Variants in ANTXR1 observed in about 807,000 individuals in gnomAD.
ANTXR1 encodes the protein ANTXR cell adhesion molecule 1.
ANTXR1 carries 19 observed loss-of-function variants against 78.1 expected under a neutral mutation model. The observed-to-expected ratio is 0.24, with a 90% CI of 0.17 to 0.36. ANTXR1 has a LOEUF of 0.36. Among genes scored for constraint, ANTXR1 ranks in the 10% least tolerant of loss-of-function variants. The pLI is 1.00. For synonymous variants in ANTXR1, 273 were observed against 260.5 expected (o/e 1.05, Z -0.46); for missense variants, 518 against 718.6 (o/e 0.72, Z 3.19).
intron 8 of ANTXR1, among the ~76,000 whole-genome samples, chr2:69,078,831 T>TCC (rs1036467490): frequency 2.6e-5 from 4 of 152,224 alleles, no homozygotes; most frequent in Admixed American, 6.5e-5. Flanking sequence ...CTTCCTTTGA[T>TCC]CCCCTAAACA....
chr2:69,187,568 CTATT>C (rs1165230465), intron 16 of ANTXR1, among the ~76,000 whole-genome samples: 1 of 145,850 alleles, frequency 6.9e-6, no homozygotes, highest in Non-Finnish European at 1.5e-5. Flanking sequence ...CTGGGTCACA[CTATT>C]TATCATGTAT....
intron 12 of ANTXR1, among the ~76,000 whole-genome samples, chr2:69,135,445 T>C (rs898909092): frequency 6.6e-6 from 1 of 152,078 alleles, no homozygotes; most frequent in Non-Finnish European, 1.5e-5. Flanking sequence ...AAAACTCAGA[T>C]TGACAGATTG....
At chr2:69,189,928 TA>T (rs1322947489) in intron 16 of ANTXR1, among the ~76,000 whole-genome samples, 1 of 152,120 alleles carries the variant, frequency 6.6e-6, no homozygotes, top group Non-Finnish European at 1.5e-5. Context: ...ATTTAATAGG[TA>T]AATAGATACC....
Position 69,070,742 on chromosome 2 carries a change from A to C in ANTXR1, c.378+14A>C, listed in dbSNP as rs1426209964. 6.2e-7 allele frequency: 1 copy of C among 1,610,472 alleles called. No individual in the cohort carries two copies. The highest frequency in any genetic ancestry group is 2.2e-5 in the East Asian group (1 of 44,824). ...GGATTTGAAAGGGTAATTTTAAAAC[A>C]GTTTGAAATCCAAATATAAAGCATG... On this transcript the variant is annotated intron_variant, in intron 4 of 17. Transcript: ENST00000303714.
chr2:69,214,947 C>T (rs187291763), intron 17 of ANTXR1, among the ~76,000 whole-genome samples: 138 of 152,298 alleles, frequency 9.1e-4, no homozygotes, highest in Non-Finnish European at 1.4e-3. Flanking sequence ...TTGTTACTGC[C>T]GAAGTCCCTC....
intron 16 of ANTXR1, among the ~76,000 whole-genome samples, chr2:69,185,416 TG>T (rs1674393443): frequency 6.6e-6 from 1 of 152,096 alleles, no homozygotes; most frequent in African/African-American, 2.4e-5. Context: ...TGTGGGTGCC[TG>T]TAATCCCAGC....
intron 10 of ANTXR1, among the ~76,000 whole-genome samples, chr2:69,109,093 A>G (rs1161053599): frequency 1.3e-5 from 2 of 152,100 alleles, no homozygotes; most frequent in Non-Finnish European, 2.9e-5. Flanking sequence ...TAACATCTCC[A>G]TGCCTCAGTT....
chr2:69,036,481 T>A (rs1238372252), intron 1 of ANTXR1, among the ~76,000 whole-genome samples: 1 of 152,238 alleles, frequency 6.6e-6, no homozygotes, highest in Non-Finnish European at 1.5e-5. Context: ...TCATTCTTTC[T>A]AATTTTTTTT....
chr2:69,160,524 G>T (rs1307545961), intron 13 of ANTXR1, among the ~76,000 whole-genome samples: 1 of 152,098 alleles, frequency 6.6e-6, no homozygotes, highest in Non-Finnish European at 1.5e-5. Context: ...AGATTCCCTG[G>T]TCTGTGGTTT....
In ANTXR1 at chr2:69,172,470, A is replaced by G. The variant is rs986219969; in HGVS notation, c.1089+2181A>G. ...TATTTTATACAATGCTCTGAAAATCATAGTCTCAATCTAGACAGTCTTTTC... is the reference window on the plus strand; with the variant it reads ...TATTTTATACAATGCTCTGAAAATCGTAGTCTCAATCTAGACAGTCTTTTC... On this transcript the variant is annotated intron_variant, in intron 14 of 17. Coordinates refer to ENST00000303714, the MANE Select transcript of ANTXR1 (RefSeq NM_032208.3). The G allele has an allele frequency of 1.9e-6, 3 of 1,543,516 alleles. No individual in the cohort carries two copies. The African/African-American group carries it at 4.1e-5, about 21-fold the overall frequency.
chr2:69,128,553 T>G (rs1476632748), intron 12 of ANTXR1, among the ~76,000 whole-genome samples: 2 of 151,966 alleles, frequency 1.3e-5, no homozygotes, highest in Non-Finnish European at 2.9e-5. Flanking sequence ...CCCAGGTGAT[T>G]GAAAGGGGGA....
At chr2:69,196,028 T>C (rs13429466) in intron 17 of ANTXR1, among the ~76,000 whole-genome samples, 3,207 of 152,284 alleles carry the variant, frequency 0.021, 113 homozygotes, top group African/African-American at 0.073. Flanking sequence ...GAAGAATCAA[T>C]GCTGTTTGGG....
At chr2:69,151,044 ATTAT>A (rs1673376787) in intron 12 of ANTXR1, among the ~76,000 whole-genome samples, 1 of 152,064 alleles carries the variant, frequency 6.6e-6, no homozygotes, top group African/African-American at 2.4e-5. Context: ...AATAAATAAA[ATTAT>A]TTGACAATGT....
chr2:69,161,415 C>T (rs1187168608), intron 13 of ANTXR1, among the ~76,000 whole-genome samples: 2 of 152,194 alleles, frequency 1.3e-5, no homozygotes, highest in Admixed American at 6.5e-5. Flanking sequence ...AAGTTGACCT[C>T]ATTTCTTTGA....
intron 17 of ANTXR1, among the ~76,000 whole-genome samples, chr2:69,231,852 C>T (rs1675605823): frequency 6.6e-6 from 1 of 152,132 alleles, no homozygotes; most frequent in African/African-American, 2.4e-5. Flanking sequence ...AAAGCTAGCA[C>T]ATCACTTTCA....
intron 4 of ANTXR1, among the ~76,000 whole-genome samples, chr2:69,070,986 A>G (rs1262319866): frequency 1.3e-5 from 2 of 152,162 alleles, no homozygotes; most frequent in Non-Finnish European, 2.9e-5. Context: ...AATTCACGCC[A>G]CACACAAGTC....
Position 69,161,360 on chromosome 2 carries a change from G to C in ANTXR1, c.1048-8888G>C, listed in dbSNP as rs1482178010. Among the ~76,000 whole-genome samples, 3 of 152,134 alleles carry C rather than the reference G, an allele frequency of 2.0e-5. No individual in the cohort carries two copies. The East Asian group carries it at 5.8e-4, about 29-fold the overall frequency. On this transcript the variant is annotated intron_variant, in intron 13 of 17. Coordinates refer to ENST00000303714, the MANE Select transcript of ANTXR1 (RefSeq NM_032208.3). ...CAGTCTTAAGGGAGATGAGATGAGAGACCAAAAATCATTTGAAATCTGAGT... is the reference window on the plus strand; with the variant it reads ...CAGTCTTAAGGGAGATGAGATGAGACACCAAAAATCATTTGAAATCTGAGT...
intron 12 of ANTXR1, among the ~76,000 whole-genome samples, chr2:69,130,347 G>T (rs1247151090): frequency 6.6e-6 from 1 of 152,152 alleles, no homozygotes; most frequent in African/African-American, 2.4e-5. Flanking sequence ...CAGCCTGACT[G>T]CAGTAGCAAC....
chr2:69,031,612 A>G (rs1671532606), intron 1 of ANTXR1, among the ~76,000 whole-genome samples: 1 of 152,022 alleles, frequency 6.6e-6, no homozygotes, highest in Non-Finnish European at 1.5e-5. Context: ...TCTTTTCATA[A>G]TCCTCAGATA....
Sources: allele counts gnomAD v4.1 joint callset (sites outside exome capture counted in the v4.1 genomes callset), GRCh38; gene constraint gnomAD v4.1.1; transcripts MANE v1.5; gene names NCBI Gene and HGNC (gene_info 2026-07-23, HGNC 2026-07-21).